The following PCDHA5 variants were observed in gnomAD, a reference collection of about 807,000 sequenced individuals.
PCDHA5 encodes the protein protocadherin alpha 5, also known as protocadherin alpha-5.
A neutral mutation model predicts 61.6 loss-of-function variants in PCDHA5; 43 were observed. The observed-to-expected ratio is 0.70, with a 90% confidence interval of 0.55 to 0.90. The LOEUF is 0.90. Among genes scored for constraint, PCDHA5 ranks in the 40% least tolerant of loss-of-function variants. PCDHA5 has a pLI of 0.00. For missense variants in PCDHA5, 1,298 were observed against 1,222.7 expected, an observed-to-expected ratio of 1.06 and a Z score of -0.92; for synonymous variants, 627 against 543.9, an observed-to-expected ratio of 1.15 and a Z score of -2.13.
rs74450843 is a variant in PCDHA5 at position 140,951,654 on chromosome 5, C to A, written c.2353-27295C>A. ...GCCCCATGATCTAATCACCTCCCAC[C>A]AGGGCCTGCCTACAAAATTGGGGAT... On this transcript the variant is annotated intron_variant, in intron 1 of 3. Coordinates refer to ENST00000529859, the MANE Select transcript of PCDHA5 (RefSeq NM_018908.3). 1.1e-4 allele frequency among the ~76,000 whole-genome samples: 16 copies of A among 152,248 alleles called. No homozygotes were observed. In the East Asian group the frequency reaches 3.1e-3, roughly 29 times the overall value.
At chr5:140,863,106 C>G (rs782630265) in intron 1 of PCDHA5, 1 of 582,196 alleles carries the variant, frequency 1.7e-6, no homozygotes, top group Non-Finnish European at 3.4e-6. Context: ...GTACCCTGGA[C>G]GAGGCGAAAG....
intron 1 of PCDHA5, among the ~76,000 whole-genome samples, chr5:140,916,167 C>T (rs2077462600): frequency 6.6e-6 from 1 of 152,080 alleles, no homozygotes; most frequent in South Asian, 2.1e-4. Context: ...TGCTGCCAGG[C>T]CTGGGACTCT....
intron 1 of PCDHA5, among the ~76,000 whole-genome samples, chr5:140,953,965 G>A (rs1554221174): frequency 6.6e-6 from 1 of 152,024 alleles, no homozygotes; most frequent in Non-Finnish European, 1.5e-5. Flanking sequence ...GCCCCAGTGT[G>A]TGTTGTTCCC....
rs781787163 is a variant in PCDHA5, at chr5:140,869,186, G to A, written c.2352+45059G>A. 7 of 1,614,006 alleles carry A rather than the reference G, an allele frequency of 4.3e-6. No individual in the cohort carries two copies. The South Asian group carries it at 4.4e-5, about 10-fold the overall frequency. ...CTCCTCGAATTCTGGGAGGTGGGGA[G>A]CGGCCAGCTCCACTACTCCGTCTCG... On this transcript the variant is annotated intron_variant, in intron 1 of 3. Transcript: ENST00000529859.
chr5:140,828,486 T>C, intron 1 of PCDHA5: 1 of 1,614,194 alleles, frequency 6.2e-7, no homozygotes, highest in Non-Finnish European at 8.5e-7. Flanking sequence ...AACCCGCCCT[T>C]GTTCCCGGTA....
chr5:140,944,206 T>C (rs1291391135), intron 1 of PCDHA5, among the ~76,000 whole-genome samples: 1 of 152,156 alleles, frequency 6.6e-6, no homozygotes, highest in Non-Finnish European at 1.5e-5. Context: ...GTTTTGTTTT[T>C]AAAGAGGGTT....
chr5:140,977,720 A>C (rs1156806702), intron 1 of PCDHA5, among the ~76,000 whole-genome samples: 1 of 152,202 alleles, frequency 6.6e-6, no homozygotes, highest in African/African-American at 2.4e-5. Flanking sequence ...GATGGTGATC[A>C]TTTCTCTCCT....
At chr5:140,882,871 C>T in intron 1 of PCDHA5, 1 of 1,614,164 alleles carries the variant, frequency 6.2e-7, no homozygotes, top group East Asian at 2.2e-5. Flanking sequence ...AAACACTGGA[C>T]AGAGAGGAAA....
rs1023415818 is a variant in PCDHA5 at position 140,856,852 on chromosome 5, G to A, written c.2352+32725G>A. The stretch of plus-strand genomic sequence containing the variant: ...TAATACGGCTCAACGCTTCTGATTC[G>A]GATGAAGGAATAAACAAGGAAATGA... On this transcript the variant is annotated intron_variant, in intron 1 of 3. Coordinates refer to ENST00000529859, the MANE Select transcript of PCDHA5 (RefSeq NM_018908.3). 5.6e-6 allele frequency: 9 copies of A among 1,593,530 alleles called. No homozygotes were observed. In the African/African-American group the frequency reaches 8.1e-5, roughly 14 times the overall value.
intron 1 of PCDHA5, chr5:140,968,662 C>CT (rs781816838): frequency 1.2e-6 from 2 of 1,614,158 alleles, no homozygotes; most frequent in South Asian, 2.2e-5. Context: ...ACCTGGACCT[C>CT]TTTAAGGTAG....
chr5:141,003,540 T>A (rs2098129225), intron 3 of PCDHA5, among the ~76,000 whole-genome samples: 1 of 152,188 alleles, frequency 6.6e-6, no homozygotes, highest in Non-Finnish European at 1.5e-5. Flanking sequence ...CTTGAACTCC[T>A]GGCTTCAAGT....
Position 140,862,324 on chromosome 5 carries a change from T to C in PCDHA5, c.2352+38197T>C, listed in dbSNP as rs536000037. On this transcript the variant is annotated intron_variant, in intron 1 of 3. Coordinates refer to ENST00000529859, the MANE Select transcript of PCDHA5 (RefSeq NM_018908.3). ...TGGGTACCGTCATAGCCCTAATCAGTGTAATTGACCCTAACTTCAGTGCCA... is the reference window on the plus strand; with the variant it reads ...TGGGTACCGTCATAGCCCTAATCAGCGTAATTGACCCTAACTTCAGTGCCA... 7 of 322,970 alleles carry C rather than the reference T, an allele frequency of 2.2e-5. No individual in the cohort carries two copies. In the East Asian group the frequency reaches 4.7e-4, roughly 22 times the overall value. 20.0% of individuals were successfully genotyped at this position (322,970 alleles called of 1,614,324 possible). A position where few individuals can be genotyped will look rare whatever the true frequency, so the allele number is the denominator to read the frequency against.
At chr5:140,846,108 T>C (rs1420527870) in intron 1 of PCDHA5, among the ~76,000 whole-genome samples, 1 of 149,756 alleles carries the variant, frequency 6.7e-6, no homozygotes, top group African/African-American at 2.4e-5. Context: ...ATGTGTAGAC[T>C]ATCTTACTTT....
At chr5:140,833,066 C>T (rs2150205911) in intron 1 of PCDHA5, among the ~76,000 whole-genome samples, 8 of 152,126 alleles carry the variant, frequency 5.3e-5, no homozygotes, top group Non-Finnish European at 8.8e-5. Context: ...TGAGAAAAAC[C>T]TTTTGTATAA....
intron 1 of PCDHA5, chr5:140,860,992 T>C (rs173699): frequency 1 from 152,392 of 152,392 alleles, 76,196 homozygotes; most frequent in Non-Finnish European, 1. Context: ...CGGCCTCGGC[T>C]TCCCAAAGTG....
At chr5:140,950,608 T>G (rs1490243292) in intron 1 of PCDHA5, among the ~76,000 whole-genome samples, 1 of 152,086 alleles carries the variant, frequency 6.6e-6, no homozygotes, top group Non-Finnish European at 1.5e-5. Context: ...GACTATGATG[T>G]GCTTATTTAT....
intron 1 of PCDHA5, among the ~76,000 whole-genome samples, chr5:140,913,052 A>G (rs1554195709): frequency 6.6e-6 from 1 of 151,874 alleles, no homozygotes; most frequent in African/African-American, 2.4e-5. Context: ...CTGGAGTTTT[A>G]TTTTATTTTG....
intron 1 of PCDHA5, chr5:140,862,764 G>A (rs375357178): frequency 5.0e-5 from 29 of 577,184 alleles, no homozygotes; most frequent in Middle Eastern, 5.6e-4. Flanking sequence ...GCGGCAAGAG[G>A]TACGCGTTGC....
intron 1 of PCDHA5, chr5:140,855,953 TA>T: frequency 7.2e-7 from 1 of 1,381,088 alleles, no homozygotes; most frequent in Non-Finnish European, 9.9e-7. Context: ...GCCATTTCGA[TA>T]AAAAATAGAT....
Sources: allele counts gnomAD v4.1 joint callset (sites outside exome capture counted in the v4.1 genomes callset), GRCh38; gene constraint gnomAD v4.1.1; transcripts MANE v1.5; gene names NCBI Gene and HGNC (gene_info 2026-07-23, HGNC 2026-07-21).